Variants in CD160 observed in about 807,000 individuals in gnomAD.
CD160 encodes CD160 antigen.
Under a neutral mutation model 19.2 loss-of-function variants are expected in CD160, and 11 were observed. The observed-to-expected ratio is 0.57, with a 90% CI of 0.36 to 0.95. CD160 has a LOEUF of 0.95. Among genes scored for constraint, CD160 ranks in the 40% least tolerant of loss-of-function variants. The probability of loss-of-function intolerance (pLI) is 0.01; values close to 1 mark genes in which losing one functional copy is unlikely to be tolerated. For missense variants in CD160, 182 were observed against 213.2 expected, an observed-to-expected ratio of 0.85 and a Z score of 0.91; for synonymous variants, 75 against 81.1, an observed-to-expected ratio of 0.93 and a Z score of 0.40.
chr1:145,731,199 C>T (rs1571682648), intron 4 of CD160, 129 bp downstream of exon 4: 1 of 719,430 alleles, frequency 1.4e-6, no homozygotes, highest in Non-Finnish European at 2.4e-6. Context: ...CCAACATCCC[C>T]ATTGGCAGAT....
At chr1:145,731,139 C>A in intron 4 of CD160, 69 bp downstream of exon 4, 1 of 1,226,640 alleles carries the variant, frequency 8.2e-7, no homozygotes, top group Non-Finnish European at 1.2e-6. Context: ...GAGATGTAAC[C>A]AGATAGTTCA....
Position 145,738,586 on chromosome 1 carries a change from A to C in CD160, c.*93A>C, listed in dbSNP as rs1213982326. ...TCTCATTACAATAGGCACAGAGAAG[A>C]ATGCAACAGGGCACAGGGGAAGAGA... On this transcript the variant is annotated 3_prime_UTR_variant, in exon 6 of 6. Coordinates refer to ENST00000369288, the MANE Select transcript of CD160 (RefSeq NM_007053.4). 2.6e-6 allele frequency: 2 copies of C among 773,112 alleles called. No homozygotes were observed. The allele number at this position is 773,112 out of a possible 1,614,324, so 47.9% of individuals were successfully genotyped here.
At chr1:145,721,364 C>T (rs1359788896) in intron 1 of CD160, among the ~76,000 whole-genome samples, 3 of 152,148 alleles carry the variant, frequency 2.0e-5, no homozygotes, top group African/African-American at 7.2e-5. Flanking sequence ...GCGCCGCCGG[C>T]TCCGCGCTGC....
Position 145,728,324 on chromosome 1 carries a change from C to A in CD160, c.-4C>A. The A allele has an allele frequency of 6.2e-7, 1 of 1,610,474 alleles. No homozygotes were observed. ...AGTTCCTGGGCCTGCTGACAGCGTGCAGGATGCTGTTGGAACCCGGCAGAG... is the reference window on the plus strand; with the variant it reads ...AGTTCCTGGGCCTGCTGACAGCGTGAAGGATGCTGTTGGAACCCGGCAGAG... On this transcript the variant is annotated 5_prime_UTR_variant, in exon 3 of 6. Transcript: ENST00000369288.
At position 145,731,059 on chromosome 1, in the gene CD160, T is replaced by C. The variant is rs1553709168; in HGVS notation, c.389T>C (p.Ile130Thr). The change falls in exon 4 of 6, where the codon ATT (isoleucine) becomes ACT (threonine). Residue 130 changes from isoleucine to threonine, a missense_variant. Transcript: ENST00000369288. Reference protein sequence around the residue: ...GIRLQGHFFSILFTETGNYTV... With the variant: ...GIRLQGHFFSTLFTETGNYTV... Reference sequence around the variant, plus strand: ...CGCCTTCAGGGCCATTTTTTCTCCATTCTATTCACAGGTGAGTGCTCAAAT... The same window carrying C: ...CGCCTTCAGGGCCATTTTTTCTCCACTCTATTCACAGGTGAGTGCTCAAAT... 1.2e-6 allele frequency: 2 copies of C among 1,613,436 alleles called. No homozygotes were observed. The highest frequency in any genetic ancestry group is 1.7e-5 in the Admixed American group (1 of 59,996).
At chr1:145,729,210 C>A (rs1195135112) in intron 3 of CD160, among the ~76,000 whole-genome samples, 2 of 152,114 alleles carry the variant, frequency 1.3e-5, no homozygotes, top group Non-Finnish European at 2.9e-5. Flanking sequence ...TCTTGGAAGA[C>A]CCATATCTCT....
chr1:145,731,184 C>T (rs1657278614), intron 4 of CD160, 114 bp downstream of exon 4: 1 of 775,530 alleles, frequency 1.3e-6, no homozygotes, highest in Non-Finnish European at 2.2e-6. Context: ...TTCCTCAATC[C>T]TTTTCCAACA....
At chr1:145,728,831 G>A (rs1657168111) in intron 3 of CD160, among the ~76,000 whole-genome samples, 1 of 152,092 alleles carries the variant, frequency 6.6e-6, no homozygotes, top group South Asian at 2.1e-4. Flanking sequence ...CATTAGAACT[G>A]ATACTATTGC....
chr1:145,735,267 CA>C (rs1167379358), intron 4 of CD160, among the ~76,000 whole-genome samples: 2 of 152,234 alleles, frequency 1.3e-5, no homozygotes, highest in East Asian at 3.9e-4. Context: ...AATTTATGTT[CA>C]TCCAACAGTA....
chr1:145,721,838 A>T (rs1385642183), intron 1 of CD160, among the ~76,000 whole-genome samples: 2 of 152,090 alleles, frequency 1.3e-5, no homozygotes, highest in African/African-American at 2.4e-5. Flanking sequence ...GCCTTTCCAC[A>T]TCCCTCATCC....
At chr1:145,738,258 G>A (rs1185633477) in intron 5 of CD160, 3 of 351,174 alleles carry the variant, frequency 8.5e-6, no homozygotes, top group African/African-American at 4.2e-5. Context: ...AGCGATCAAA[G>A]GCTAGCCCCC....
intron 2 of CD160, among the ~76,000 whole-genome samples, chr1:145,727,243 C>T (rs781834085): frequency 7.2e-5 from 11 of 151,916 alleles, no homozygotes; most frequent in Non-Finnish European, 1.6e-4. Flanking sequence ...TGACCTAATG[C>T]TATATCATGA....
At chr1:145,734,877 C>A (rs901175273) in intron 4 of CD160, among the ~76,000 whole-genome samples, 19 of 152,142 alleles carry the variant, frequency 1.2e-4, no homozygotes, top group African/African-American at 4.1e-4. Flanking sequence ...GAGGCTGAGG[C>A]TGGCAGATCA....
chr1:145,731,269 C>T (rs1386243692), intron 4 of CD160, among the ~76,000 whole-genome samples, 199 bp downstream of exon 4: 1 of 152,180 alleles, frequency 6.6e-6, no homozygotes, highest in Admixed American at 6.5e-5. Context: ...AATTTTAGAA[C>T]TCTTACTTGG....
chr1:145,727,807 G>T (rs1657111624), intron 2 of CD160, among the ~76,000 whole-genome samples: 3 of 152,118 alleles, frequency 2.0e-5, no homozygotes, highest in Admixed American at 2.0e-4. Context: ...TCATGGAAAT[G>T]CAACATAAAG....
rs138448169 is a variant in CD160 at position 145,731,171 on chromosome 1, T to C, written c.400+101T>C. 4.8e-4 allele frequency: 422 copies of C among 887,572 alleles called. 4 individuals are homozygous for C. The East Asian group carries it at 0.01, about 21-fold the overall frequency. 55.0% of individuals were successfully genotyped at this position (887,572 alleles called of 1,614,324 possible). A position where few individuals can be genotyped will look rare whatever the true frequency, so the allele number is the denominator to read the frequency against. On this transcript the variant is annotated intron_variant, in intron 4 of 5. Transcript: ENST00000369288. ...TTCAGGTCCTGGAAAGGCAGTTTCCTTCTTCCTCAATCCTTTTCCAACATC... is the reference window on the plus strand; with the variant it reads ...TTCAGGTCCTGGAAAGGCAGTTTCCCTCTTCCTCAATCCTTTTCCAACATC...
At chr1:145,729,213 A>G (rs1256274752) in intron 3 of CD160, among the ~76,000 whole-genome samples, 3 of 152,228 alleles carry the variant, frequency 2.0e-5, no homozygotes, top group African/African-American at 4.8e-5. Flanking sequence ...TGGAAGACCC[A>G]TATCTCTTAC....
rs1657595749 is a variant in CD160 at position 145,738,722 on chromosome 1, A to G, written c.*229A>G. ...CTTGCCTTCTTCCCTCCTAAGCTCCAGTAAATAAACAGAACAGCTTTCACC... is the reference window on the plus strand; with the variant it reads ...CTTGCCTTCTTCCCTCCTAAGCTCCGGTAAATAAACAGAACAGCTTTCACC... On this transcript the variant is annotated 3_prime_UTR_variant, in exon 6 of 6. Transcript: ENST00000369288. 1 of 369,140 alleles carries G rather than the reference A, an allele frequency of 2.7e-6. No individual in the cohort carries two copies. The highest frequency in any genetic ancestry group is 4.9e-6 in the Non-Finnish European group (1 of 205,668). 22.9% of individuals were successfully genotyped at this position (369,140 alleles called of 1,614,324 possible).
chr1:145,727,285 T>C (rs1224512826), intron 2 of CD160, among the ~76,000 whole-genome samples: 2 of 152,006 alleles, frequency 1.3e-5, no homozygotes, highest in African/African-American at 2.4e-5. Context: ...TATAGAAGTA[T>C]CTCATTCTTT....
Sources: allele counts gnomAD v4.1 joint callset (sites outside exome capture counted in the v4.1 genomes callset), GRCh38; gene constraint gnomAD v4.1.1; transcripts MANE v1.5; gene names NCBI Gene and HGNC (gene_info 2026-07-23, HGNC 2026-07-21).